ABTB2: variants seen among roughly 807,000 people sequenced by gnomAD.
ABTB2 encodes the protein ankyrin repeat and BTB domain containing 2.
ABTB2 carries 56 observed loss-of-function variants against 104.1 expected under a neutral mutation model. That is an observed-to-expected ratio of 0.54 (90% CI 0.43 to 0.67). The LOEUF (loss-of-function observed/expected upper bound fraction) is 0.67. Ranked by LOEUF, ABTB2 falls within the 30% of genes least tolerant of loss-of-function variation. The pLI is 0.00. For synonymous variants in ABTB2, 606 were observed against 608.2 expected, an observed-to-expected ratio of 1.00 and a Z score of 0.05; for missense variants, 1,279 against 1,407.7, an observed-to-expected ratio of 0.91 and a Z score of 1.46.
At chr11:34,310,461 G>A (rs1272291183) in intron 1 of ABTB2, among the ~76,000 whole-genome samples, 2 of 151,980 alleles carry the variant, frequency 1.3e-5, no homozygotes, top group Non-Finnish European at 2.9e-5. Context: ...CCCCAAGCTT[G>A]CCTTGCCTCT....
At chr11:34,250,420 C>A (rs371286216) in intron 1 of ABTB2, among the ~76,000 whole-genome samples, 1 of 152,140 alleles carries the variant, frequency 6.6e-6, no homozygotes, top group Non-Finnish European at 1.5e-5. Flanking sequence ...AACAAAGTGA[C>A]GATAAATGTG....
intron 3 of ABTB2, among the ~76,000 whole-genome samples, chr11:34,183,580 C>T (rs1031472919): frequency 2.0e-5 from 3 of 152,202 alleles, no homozygotes; most frequent in African/African-American, 7.2e-5. Context: ...GGTCCTCCTG[C>T]TCACCCCCTC....
Position 34,248,113 on chromosome 11 carries a change from A to C in ABTB2, c.884-43423T>G, listed in dbSNP as rs1458140574. Among the ~76,000 whole-genome samples, 61 of 68,084 alleles carry C rather than the reference A, an allele frequency of 9.0e-4. 1 individual carries two copies. Among genetic ancestry groups the C allele is most frequent in the African/African-American group, 3.6e-3 (35 of 9,650 alleles). 44.7% of individuals were successfully genotyped at this position (68,084 alleles called of 152,430 possible). On this transcript the variant is annotated intron_variant, in intron 1 of 16. Coordinates refer to ENST00000435224, the MANE Select transcript of ABTB2 (RefSeq NM_145804.3). ...ATTTTTCTTAAAAAAAAAAAAAAAAAAAAAAAAAACAGGGTCTTGCCCTGT... is the reference window on the plus strand; with the variant it reads ...ATTTTTCTTAAAAAAAAAAAAAAAACAAAAAAAAACAGGGTCTTGCCCTGT...
intron 5 of ABTB2, 120 bp from the exon 6 acceptor site, chr11:34,168,112 G>T: frequency 1.0e-6 from 1 of 999,832 alleles, no homozygotes; most frequent in Non-Finnish European, 1.5e-6. Flanking sequence ...CGAGCATCCT[G>T]TGGTCCCCCA....
chr11:34,197,173 C>T (rs1413428450), intron 3 of ABTB2, 152 bp downstream of exon 3: 39 of 855,280 alleles, frequency 4.6e-5, no homozygotes, highest in Non-Finnish European at 5.9e-5. Context: ...CTTCATCCAT[C>T]GGAATTCCTG....
chr11:34,283,075 A>AT lies in ABTB2; in HGVS notation c.883+73625dup, dbSNP rs34343413. Among the ~76,000 whole-genome samples, 1,218 of 139,128 alleles carry AT rather than the reference A, an allele frequency of 8.8e-3. 7 individuals are homozygous for AT. Among genetic ancestry groups the AT allele is most frequent in the Non-Finnish European group, 0.012 (740 of 64,040 alleles). The allele number at this position is 139,128 out of a possible 152,430, so 91.3% of individuals were successfully genotyped here. ...AGGCGCCCGCCACCATGCCCAGCTA[A>AT]TTTTTTTTTTTTTTTTGTATTTTTA... is the stretch of plus-strand genomic sequence containing the variant. On this transcript the variant is annotated intron_variant, in intron 1 of 16. Coordinates refer to ENST00000435224, the MANE Select transcript of ABTB2 (RefSeq NM_145804.3).
At chr11:34,245,680 C>T (rs562051900) in intron 1 of ABTB2, among the ~76,000 whole-genome samples, 6 of 152,110 alleles carry the variant, frequency 3.9e-5, no homozygotes, top group South Asian at 4.2e-4. Context: ...TTCCAGACCA[C>T]GGCACAGCCT....
At chr11:34,158,781 T>A (rs1852667424) in intron 14 of ABTB2, among the ~76,000 whole-genome samples, 1 of 152,254 alleles carries the variant, frequency 6.6e-6, no homozygotes, top group African/African-American at 2.4e-5. Context: ...ACAGTCAGGA[T>A]GTGTGCCTCA....
intron 3 of ABTB2, among the ~76,000 whole-genome samples, chr11:34,173,964 C>A (rs1416759193): frequency 1.3e-5 from 2 of 152,194 alleles, no homozygotes; most frequent in Non-Finnish European, 2.9e-5. Flanking sequence ...CCTTCCTCAT[C>A]TGGCACCTAG....
intron 1 of ABTB2, among the ~76,000 whole-genome samples, chr11:34,346,673 C>T (rs558416734): frequency 1.3e-5 from 2 of 152,208 alleles, no homozygotes; most frequent in Admixed American, 6.5e-5. Flanking sequence ...CTATCAGAGA[C>T]AGAAAAGCCC....
At position 34,207,761 on chromosome 11, in the gene ABTB2, C is replaced by G. The variant is rs191156812; in HGVS notation, c.884-3071G>C. Among the ~76,000 whole-genome samples, 6 of 152,386 alleles carry G rather than the reference C, an allele frequency of 3.9e-5. No homozygotes were observed. The East Asian group carries it at 1.2e-3, about 29-fold the overall frequency. ...AGGGACTGGAGTTTCAATTTCTTCT[C>G]AAGCTGCTGAAATAAATGACATTCT... On this transcript the variant is annotated intron_variant, in intron 1 of 16. Transcript: ENST00000435224.
In ABTB2 at chr11:34,167,353, C is replaced by G. The variant is rs141134376; in HGVS notation, c.1661G>C (p.Ser554Thr). The change falls in exon 7 of 17, where the codon AGC (serine) becomes ACC (threonine). Residue 554 changes from serine (S) to threonine (T), a missense_variant. Coordinates refer to ENST00000435224, the MANE Select transcript of ABTB2 (RefSeq NM_145804.3). ...AGANLDIQVPSNSPRHPSIHP... is the reference protein window; with the variant it reads ...AGANLDIQVPTNSPRHPSIHP... ...GATGGAAGGGTGCCTGGGGGAGTTG[C>G]TTGGAACCTGGAAAATACCACAAAT... The G allele has an allele frequency of 6.2e-7, 1 of 1,612,816 alleles. No homozygotes were observed. The highest frequency in any genetic ancestry group is 8.5e-7 in the Non-Finnish European group (1 of 1,179,418).
rs78889266 is a variant in ABTB2 at position 34,159,851 on chromosome 11, A to C, written c.2606+55T>G. 9.8e-4 allele frequency: 1,399 copies of C among 1,426,584 alleles called. 10 individuals carry two copies. The African/African-American group carries it at 0.017, about 18-fold the overall frequency. 88.4% of individuals were successfully genotyped at this position (1,426,584 alleles called of 1,614,324 possible). A position where few individuals can be genotyped will look rare whatever the true frequency, so the allele number is the denominator to read the frequency against. The stretch of plus-strand genomic sequence containing the variant: ...GTCACTCTCTGTCACCTGGAATCTG[A>C]AACAAGGTGCTTCTGTGCCCCTGGG... On this transcript the variant is annotated intron_variant, in intron 13 of 16. Coordinates refer to ENST00000435224, the MANE Select transcript of ABTB2 (RefSeq NM_145804.3).
At chr11:34,353,032 A>G (rs1855418417) in intron 1 of ABTB2, among the ~76,000 whole-genome samples, 1 of 152,252 alleles carries the variant, frequency 6.6e-6, no homozygotes, top group Non-Finnish European at 1.5e-5. Flanking sequence ...ACTGCACTCC[A>G]GCCTGGGTGA....
intron 1 of ABTB2, among the ~76,000 whole-genome samples, chr11:34,344,789 T>C (rs1390762831): frequency 6.6e-6 from 1 of 152,210 alleles, no homozygotes; most frequent in Non-Finnish European, 1.5e-5. Context: ...TGAGTCACTG[T>C]GCCCGGCCCA....
intron 1 of ABTB2, among the ~76,000 whole-genome samples, chr11:34,230,599 C>T (rs1431535300): frequency 2.0e-5 from 3 of 151,998 alleles, no homozygotes; most frequent in Non-Finnish European, 4.4e-5. Context: ...TGCTGATGGC[C>T]CCTTCCTAAA....
At chr11:34,277,159 C>T (rs1854391284) in intron 1 of ABTB2, among the ~76,000 whole-genome samples, 1 of 152,192 alleles carries the variant, frequency 6.6e-6, no homozygotes, top group South Asian at 2.1e-4. Flanking sequence ...GACTCAGCCT[C>T]TCAAAGTGCT....
chr11:34,271,734 AATAC>A (rs11268199), intron 1 of ABTB2, among the ~76,000 whole-genome samples: 19,103 of 149,802 alleles, frequency 0.13, 1,635 homozygotes, highest in African/African-American at 0.25. Flanking sequence ...CCCTATCTCA[AATAC>A]ATACATACAT....
chr11:34,256,153 C>T lies in ABTB2; in HGVS notation c.884-51463G>A, dbSNP rs540538934. On this transcript the variant is annotated intron_variant, in intron 1 of 16. Transcript: ENST00000435224. Reference sequence around the variant, plus strand: ...TTGTCCACACTGCCGTCGGTTTTATCATCTACTTGTGGGGGGTGGGGCGGG... The same window carrying T: ...TTGTCCACACTGCCGTCGGTTTTATTATCTACTTGTGGGGGGTGGGGCGGG... 2.6e-4 allele frequency among the ~76,000 whole-genome samples: 39 copies of T among 150,004 alleles called. No individual in the cohort carries two copies. The South Asian group carries it at 7.4e-3, about 28-fold the overall frequency.
Sources: allele counts gnomAD v4.1 joint callset (sites outside exome capture counted in the v4.1 genomes callset), GRCh38; gene constraint gnomAD v4.1.1; transcripts MANE v1.5; gene names NCBI Gene and HGNC (gene_info 2026-07-23, HGNC 2026-07-21).